ARL13B: variants seen among roughly 807,000 people sequenced by gnomAD.
The protein encoded by ARL13B is ARF like GTPase 13B, also known as ADP-ribosylation factor-like protein 13B.
A neutral mutation model predicts 56.1 loss-of-function variants in ARL13B; 36 were observed. The ratio of observed to expected loss-of-function variants is 0.64; its 90% CI spans 0.49 to 0.85. ARL13B has a LOEUF of 0.85. Among genes scored for constraint, ARL13B ranks in the 40% least tolerant of loss-of-function variants. The pLI is 0.00. For missense variants in ARL13B, 519 were observed against 507.1 expected (o/e 1.02, Z -0.23); for synonymous variants, 178 against 171.1 (o/e 1.04, Z -0.32).
intron 2 of ARL13B, among the ~76,000 whole-genome samples, chr3:93,999,985 A>G (rs1279055579): frequency 6.6e-6 from 1 of 152,188 alleles, no homozygotes; most frequent in East Asian, 1.9e-4. Flanking sequence ...GTAGTTCACT[A>G]CAAAATGTGC....
At chr3:94,005,878 A>G (rs951188344) in intron 3 of ARL13B, among the ~76,000 whole-genome samples, 3 of 152,202 alleles carry the variant, frequency 2.0e-5, no homozygotes, top group Admixed American at 6.5e-5. Context: ...ATAGTTGTGC[A>G]TATGTGGAAA....
intron 2 of ARL13B, among the ~76,000 whole-genome samples, chr3:93,999,717 C>G (rs1262348602): frequency 6.6e-6 from 1 of 152,150 alleles, no homozygotes; most frequent in East Asian, 1.9e-4. Flanking sequence ...ACACCCCTTC[C>G]TGGAACTTTA....
In ARL13B at chr3:94,048,014, A is replaced by G. The variant is rs1242527428; in HGVS notation, c.1025-1392A>G. ...ACATTGCATAGACACACACACACAC[A>G]CACACACACACACACACACACACGG... is the stretch of plus-strand genomic sequence containing the variant. On this transcript the variant is annotated intron_variant, in intron 7 of 9. Transcript: ENST00000394222. 4 of 152,268 alleles carry G rather than the reference A, an allele frequency of 2.6e-5. No homozygotes were observed. In the East Asian group the frequency reaches 7.7e-4, roughly 29 times the overall value. 9.4% of individuals were successfully genotyped at this position (152,268 alleles called of 1,614,324 possible).
intron 1 of ARL13B, among the ~76,000 whole-genome samples, chr3:93,994,134 G>A (rs1330326886): frequency 6.6e-6 from 1 of 152,146 alleles, no homozygotes; most frequent in African/African-American, 2.4e-5. Flanking sequence ...ATGGCCTATG[G>A]TCTAACATGA....
chr3:94,028,080 A>G (rs1275508922), intron 3 of ARL13B, among the ~76,000 whole-genome samples: 1 of 152,156 alleles, frequency 6.6e-6, no homozygotes, highest in Admixed American at 6.5e-5. Flanking sequence ...CTGACTTTCT[A>G]GTATTTTTTA....
intron 3 of ARL13B, chr3:94,015,171 C>A (rs761480100): frequency 1.2e-6 from 2 of 1,613,886 alleles, no homozygotes; most frequent in Non-Finnish European, 1.7e-6. Context: ...GCTGTAGAAA[C>A]ACCCCTTGTT....
intron 1 of ARL13B, among the ~76,000 whole-genome samples, chr3:93,992,168 G>A (rs549854879): frequency 7.5e-4 from 114 of 152,176 alleles, no homozygotes; most frequent in African/African-American, 2.7e-3. Flanking sequence ...TAGTATATAT[G>A]TATTTAGATG....
At chr3:94,022,463 A>G (rs530227256) in intron 3 of ARL13B, among the ~76,000 whole-genome samples, 1 of 152,192 alleles carries the variant, frequency 6.6e-6, no homozygotes, top group East Asian at 1.9e-4. Context: ...AATTTCTTCT[A>G]TGGAAGATGT....
intron 3 of ARL13B, among the ~76,000 whole-genome samples, chr3:94,011,516 C>G (rs968806190): frequency 1.3e-5 from 2 of 152,120 alleles, no homozygotes; most frequent in African/African-American, 4.8e-5. Flanking sequence ...AGAGTATTCT[C>G]ATTTTTTCCA....
chr3:94,002,586 C>A (rs1575954412), intron 2 of ARL13B, among the ~76,000 whole-genome samples: 1 of 152,098 alleles, frequency 6.6e-6, no homozygotes, highest in Non-Finnish European at 1.5e-5. Flanking sequence ...TTGAACTTTT[C>A]TCTGTAGCCA....
intron 1 of ARL13B, among the ~76,000 whole-genome samples, chr3:93,995,401 A>G (rs1412163205): frequency 2.0e-5 from 3 of 152,150 alleles, no homozygotes; most frequent in Non-Finnish European, 4.4e-5. Flanking sequence ...CTTCTCTCAA[A>G]ATGTTAGCAC....
At chr3:94,035,801 G>A (rs974937433) in intron 4 of ARL13B, among the ~76,000 whole-genome samples, 7 of 152,190 alleles carry the variant, frequency 4.6e-5, no homozygotes, top group Non-Finnish European at 1.0e-4. Flanking sequence ...GCTGGGCATG[G>A]TAGCTCATGC....
At chr3:94,002,985 C>T (rs1272763091) in intron 2 of ARL13B, among the ~76,000 whole-genome samples, 4 of 152,088 alleles carry the variant, frequency 2.6e-5, no homozygotes, top group Non-Finnish European at 5.9e-5. Context: ...TCTTTTAAAG[C>T]TCTTATTGTC....
chr3:94,011,117 TAAATTAA>T (rs1257398895), intron 3 of ARL13B, among the ~76,000 whole-genome samples: 1 of 152,170 alleles, frequency 6.6e-6, no homozygotes, highest in Non-Finnish European at 1.5e-5. Flanking sequence ...TGATATTTTA[TAAATTAA>T]AAATTATTTT....
In ARL13B at chr3:94,050,885, T is replaced by A. The variant is rs1322471278; in HGVS notation, c.1203T>A (p.His401Gln). The change falls in exon 9 of 10, where the codon CAT becomes CAA. Residue 401 changes from histidine to glutamine, a missense_variant. By Grantham distance (24) the His-to-Gln change is conservative (BLOSUM62 0). Coordinates refer to ENST00000394222, the MANE Select transcript of ARL13B (RefSeq NM_001174150.2). Reference protein sequence around the residue: ...LPKLEPLGETHHNDFYRKPLP... With the variant: ...LPKLEPLGETQHNDFYRKPLP... ...AACTTGAGCCTCTTGGTGAAACACA[T>A]CATAATGGTAATGCAAAAGGATTGG... is the stretch of plus-strand genomic sequence containing the variant. 1.2e-6 allele frequency: 2 copies of A among 1,612,846 alleles called. No homozygotes were observed. Among genetic ancestry groups the A allele is most frequent in the South Asian group, 1.1e-5 (1 of 91,078 alleles).
chr3:93,980,550 C>T (rs1710161186), intron 1 of ARL13B, 68 bp downstream of exon 1: 1 of 1,583,314 alleles, frequency 6.3e-7, no homozygotes, highest in Non-Finnish European at 8.6e-7. Flanking sequence ...GGGCGAGGCG[C>T]CGCCTTTTCC....
intron 1 of ARL13B, among the ~76,000 whole-genome samples, chr3:93,980,788 T>C (rs1341597407): frequency 6.6e-6 from 1 of 152,102 alleles, no homozygotes; most frequent in Non-Finnish European, 1.5e-5. Context: ...ATTGTGTGTT[T>C]TTCCTCTGAA....
At chr3:93,980,609 C>A in intron 1 of ARL13B, 127 bp downstream of exon 1, 2 of 1,176,850 alleles carry the variant, frequency 1.7e-6, no homozygotes, top group Non-Finnish European at 1.2e-6. Context: ...CTTTCATTCC[C>A]AGGGTGTCCC....
chr3:93,981,865 CAAAAAAAA>C (rs11396818), intron 1 of ARL13B, among the ~76,000 whole-genome samples: 2 of 68,390 alleles, frequency 2.9e-5, no homozygotes, highest in Admixed American at 2.1e-4. Flanking sequence ...AACCCTGTCT[CAAAAAAAA>C]AAAAAAAAAA....
Sources: allele counts gnomAD v4.1 joint callset (sites outside exome capture counted in the v4.1 genomes callset), GRCh38; gene constraint gnomAD v4.1.1; transcripts MANE v1.5; gene names NCBI Gene and HGNC (gene_info 2026-07-23, HGNC 2026-07-21).